FSTL5: variants seen among roughly 807,000 people sequenced by gnomAD.
The protein encoded by FSTL5 is follistatin like 5.
In FSTL5, 62 loss-of-function variants were observed where a neutral mutation model predicts 89.1. The ratio of observed to expected loss-of-function variants is 0.70; its 90% CI spans 0.57 to 0.86. FSTL5 has a LOEUF of 0.86. FSTL5 is among the 40% of genes least tolerant of loss of function. FSTL5 has a pLI of 0.00. For missense variants in FSTL5, 1,057 were observed against 1,001.6 expected (o/e 1.06, Z -0.75); for synonymous variants, 383 against 346.2 (o/e 1.11, Z -1.18).
At chr4:161,967,434 T>A (rs1014594368) in intron 3 of FSTL5, among the ~76,000 whole-genome samples, 1 of 150,344 alleles carries the variant, frequency 6.7e-6, no homozygotes, top group East Asian at 2.0e-4. Context: ...AAAAGAAAGG[T>A]AAAAAAGGAT....
chr4:162,008,959 G>A (rs562575512), intron 3 of FSTL5, among the ~76,000 whole-genome samples: 1 of 151,984 alleles, frequency 6.6e-6, no homozygotes, highest in Non-Finnish European at 1.5e-5. Context: ...GACAAATTAA[G>A]TTGAAAATTA....
At chr4:161,475,211 C>G (rs75793501) in intron 13 of FSTL5, among the ~76,000 whole-genome samples, 2,034 of 152,168 alleles carry the variant, frequency 0.013, 42 homozygotes, top group African/African-American at 0.046. Flanking sequence ...AGTATAATTC[C>G]AACATGTCTT....
chr4:161,446,118 A>G (rs11945487), intron 15 of FSTL5, among the ~76,000 whole-genome samples: 44,677 of 151,826 alleles, frequency 0.29, 7,293 homozygotes, highest in Non-Finnish European at 0.37. Context: ...TGGATTCACA[A>G]TGAATATTTT....
intron 7 of FSTL5, among the ~76,000 whole-genome samples, chr4:161,589,184 G>GTTTGT (rs1002280726): frequency 1.3e-5 from 2 of 151,048 alleles, no homozygotes; most frequent in Admixed American, 6.6e-5. Context: ...TTGTTTGTTT[G>GTTTGT]TTTTTTGAGA....
intron 8 of FSTL5, among the ~76,000 whole-genome samples, chr4:161,543,525 A>C (rs1279431132): frequency 6.6e-6 from 1 of 152,050 alleles, no homozygotes; most frequent in African/African-American, 2.4e-5. Context: ...GGTGAAAAAA[A>C]AAATCTTGAA....
intron 3 of FSTL5, among the ~76,000 whole-genome samples, chr4:161,957,738 A>C (rs1165720729): frequency 6.6e-6 from 1 of 152,062 alleles, no homozygotes; most frequent in Non-Finnish European, 1.5e-5. Flanking sequence ...TTTGGGCATA[A>C]TTGACATACC....
At chr4:161,637,958 G>T (rs1374246378) in intron 7 of FSTL5, among the ~76,000 whole-genome samples, 1 of 150,364 alleles carries the variant, frequency 6.7e-6, no homozygotes, top group Non-Finnish European at 1.5e-5. Context: ...CTCTTTTTTG[G>T]TTCCATATGA....
chr4:161,503,789 A>G (rs1730382889), intron 11 of FSTL5, among the ~76,000 whole-genome samples: 1 of 152,052 alleles, frequency 6.6e-6, no homozygotes, highest in African/African-American at 2.4e-5. Context: ...CTCACTCCCA[A>G]AAAACTTTCT....
At chr4:161,853,556 A>T (rs1050586617) in intron 4 of FSTL5, among the ~76,000 whole-genome samples, 7 of 150,776 alleles carry the variant, frequency 4.6e-5, no homozygotes, top group Non-Finnish European at 8.9e-5. Context: ...TTTTTTTTTT[A>T]AATGAACATT....
chr4:161,943,498 A>G (rs1361423061), intron 3 of FSTL5, among the ~76,000 whole-genome samples: 5 of 135,386 alleles, frequency 3.7e-5, no homozygotes, highest in African/African-American at 5.6e-5. Flanking sequence ...CAGAACTCCT[A>G]TAAGTTTTTT....
rs1283581556 is a variant in FSTL5 at position 162,153,689 on chromosome 4, TAA to T, written c.-17+9924_-17+9925del. ...ATATGTATATTATATATGTATATAA[TAA>T]TATATATGTATATTATATATGTATA... On this transcript the variant is annotated intron_variant, in intron 1 of 15. Coordinates refer to ENST00000306100, the MANE Select transcript of FSTL5 (RefSeq NM_020116.5). Among the ~76,000 whole-genome samples the T allele has an allele frequency of 1.4e-4, 18 of 128,802 alleles. No homozygotes were observed. The East Asian group carries it at 3.9e-3, about 28-fold the overall frequency. 84.5% of individuals were successfully genotyped at this position (128,802 alleles called of 152,430 possible).
intron 6 of FSTL5, among the ~76,000 whole-genome samples, chr4:161,690,561 C>T (rs1210484269): frequency 1.3e-5 from 2 of 152,042 alleles, no homozygotes; most frequent in African/African-American, 4.8e-5. Context: ...ATTCTAGACA[C>T]AAAACTCTTA....
chr4:161,834,267 A>G (rs1730954022), intron 4 of FSTL5, among the ~76,000 whole-genome samples: 1 of 152,086 alleles, frequency 6.6e-6, no homozygotes. Flanking sequence ...CATGCTAAAA[A>G]CTCTCAATAA....
intron 3 of FSTL5, among the ~76,000 whole-genome samples, chr4:161,961,548 C>CAT (rs1425454724): frequency 6.7e-6 from 1 of 150,188 alleles, no homozygotes; most frequent in East Asian, 1.9e-4. Flanking sequence ...TATACATATA[C>CAT]ATATATATGC....
intron 3 of FSTL5, among the ~76,000 whole-genome samples, chr4:161,933,631 T>A (rs1353609193): frequency 6.6e-6 from 1 of 151,776 alleles, no homozygotes; most frequent in Non-Finnish European, 1.5e-5. Context: ...GATTAGGATT[T>A]TCAAGGTGGA....
At chr4:161,493,471 G>A (rs115809651) in intron 12 of FSTL5, among the ~76,000 whole-genome samples, 4,933 of 151,486 alleles carry the variant, frequency 0.033, 261 homozygotes, top group African/African-American at 0.11. Flanking sequence ...TATATTTGCC[G>A]TGAATATATA....
chr4:161,414,138 A>T (rs1560883091), intron 15 of FSTL5, among the ~76,000 whole-genome samples: 1 of 152,342 alleles, frequency 6.6e-6, no homozygotes, highest in East Asian at 1.9e-4. Context: ...ATAAAAAATT[A>T]AAGTAAATAA....
chr4:162,053,268 T>A (rs1354328384), intron 2 of FSTL5, among the ~76,000 whole-genome samples: 1 of 151,724 alleles, frequency 6.6e-6, no homozygotes, highest in Non-Finnish European at 1.5e-5. Context: ...TTTTTCAGAG[T>A]ATCTGTAACC....
chr4:162,003,658 A>C (rs1002595026), intron 3 of FSTL5, among the ~76,000 whole-genome samples: 5 of 152,190 alleles, frequency 3.3e-5, no homozygotes, highest in Non-Finnish European at 5.9e-5. Context: ...GGAATGGCCA[A>C]TGTAGTGTAA....
Sources: allele counts gnomAD v4.1 joint callset (sites outside exome capture counted in the v4.1 genomes callset), GRCh38; gene constraint gnomAD v4.1.1; transcripts MANE v1.5; gene names NCBI Gene and HGNC (gene_info 2026-07-23, HGNC 2026-07-21).